FNDC1: variants seen among roughly 807,000 people sequenced by gnomAD.
FNDC1 encodes the protein fibronectin type III domain-containing protein 1.
FNDC1 carries 96 observed loss-of-function variants against 168.0 expected under a neutral mutation model. The observed-to-expected ratio is 0.57, with a 90% CI of 0.48 to 0.68. FNDC1 has a LOEUF of 0.68. Among genes scored for constraint, FNDC1 ranks in the 30% least tolerant of loss-of-function variants. FNDC1 has a pLI of 0.00. For missense variants in FNDC1, 2,587 were observed against 2,482.1 expected (o/e 1.04, Z -0.90); for synonymous variants, 1,099 against 1,025.9 (o/e 1.07, Z -1.36).
intron 1 of FNDC1, among the ~76,000 whole-genome samples, chr6:159,191,805 C>A (rs1782147292): frequency 6.6e-6 from 1 of 152,162 alleles, no homozygotes; most frequent in Admixed American, 6.5e-5. Flanking sequence ...TAAAATGGAG[C>A]ATATTCAAGG....
chr6:159,217,049 T>C (rs1451837524), intron 5 of FNDC1, among the ~76,000 whole-genome samples: 2 of 152,136 alleles, frequency 1.3e-5, no homozygotes, highest in Admixed American at 6.5e-5. Context: ...GGAAGGTGCG[T>C]GTGCTATGTG....
intron 1 of FNDC1, among the ~76,000 whole-genome samples, chr6:159,177,822 G>A (rs75845387): frequency 0.044 from 6,754 of 152,208 alleles, 176 homozygotes; most frequent in East Asian, 0.12. Flanking sequence ...GTGGAGTGTC[G>A]TGGGGTGCTT....
intron 14 of FNDC1, among the ~76,000 whole-genome samples, chr6:159,242,940 G>A (rs1415581664): frequency 3.9e-5 from 6 of 152,224 alleles, no homozygotes; most frequent in South Asian, 4.2e-4. Flanking sequence ...TGGTCATTTG[G>A]GTTATTTCCA....
At chr6:159,211,394 C>T (rs967393879) in intron 4 of FNDC1, among the ~76,000 whole-genome samples, 2 of 152,128 alleles carry the variant, frequency 1.3e-5, no homozygotes, top group African/African-American at 4.8e-5. Flanking sequence ...GTCATGCGTT[C>T]TTTTACACCA....
chr6:159,260,810 G>A (rs754913733), intron 18 of FNDC1, among the ~76,000 whole-genome samples: 33 of 152,146 alleles, frequency 2.2e-4, no homozygotes, highest in Admixed American at 5.2e-4. Flanking sequence ...GGACTGAAGC[G>A]GAGTCCAGAG....
intron 1 of FNDC1, among the ~76,000 whole-genome samples, chr6:159,170,951 G>A (rs1021039926): frequency 1.3e-5 from 2 of 152,118 alleles, no homozygotes; most frequent in African/African-American, 2.4e-5. Context: ...GTTTTTCTAA[G>A]TGAAAATTTT....
At chr6:159,235,778 C>T (rs1006901456) in intron 11 of FNDC1, among the ~76,000 whole-genome samples, 6 of 152,154 alleles carry the variant, frequency 3.9e-5, no homozygotes, top group Non-Finnish European at 5.9e-5. Context: ...GTGATTGGGA[C>T]CTGAGTCAGC....
intron 11 of FNDC1, 123 bp from the exon 12 acceptor site, chr6:159,236,092 A>C (rs1439295923): frequency 3.2e-6 from 2 of 626,886 alleles, no homozygotes; most frequent in Non-Finnish European, 5.6e-6. Context: ...CTATTGGTTT[A>C]AAATTCTGTT....
rs1350370503 is a variant in FNDC1 at position 159,223,536 on chromosome 6, G to A, written c.775G>A (p.Glu259Lys). 5 of 1,611,278 alleles carry A rather than the reference G, an allele frequency of 3.1e-6. No homozygotes were observed. The highest frequency in any genetic ancestry group is 4.2e-6 in the Non-Finnish European group (5 of 1,178,196). The change falls in exon 7 of 23, where the codon GAA becomes AAA. Residue 259 changes from glutamate to lysine, a missense_variant. Glu to Lys is a moderately conservative substitution (Grantham distance 56, BLOSUM62 1). Coordinates refer to ENST00000297267, the MANE Select transcript of FNDC1 (RefSeq NM_032532.3). The stretch of plus-strand genomic sequence containing the variant: ...TCTCGTTGTCATTTCAGAAGAGGAC[G>A]AATTGGATGTACCTGACGACATCAG... ...LTKRKISEED[E>K]LDVPDDISVR...
At chr6:159,193,294 C>T (rs374651821) in intron 1 of FNDC1, among the ~76,000 whole-genome samples, 3 of 152,250 alleles carry the variant, frequency 2.0e-5, no homozygotes, top group East Asian at 1.9e-4. Context: ...TTTTCGTCAC[C>T]GGAACCTAAA....
At position 159,239,651 on chromosome 6, in the gene FNDC1, G is replaced by T; in HGVS notation, c.4315G>T (p.Val1439Phe). The change falls in exon 14 of 23, where the codon GTC (valine) becomes TTC (phenylalanine). Residue 1439 changes from valine to phenylalanine, a missense_variant. Val to Phe is a conservative substitution (Grantham distance 50). Coordinates refer to ENST00000297267, the MANE Select transcript of FNDC1 (RefSeq NM_032532.3). The part of the protein sequence containing the change: ...LGGKPLVGLE[V>F]IKKTTHPPTT... ...AGGAAAGCCGCTGGTGGGCTTGGAG[G>T]TCATCAAAAAAACCACCCATCCCCC... 2 of 1,552,878 alleles carry T rather than the reference G, an allele frequency of 1.3e-6. No homozygotes were observed. The highest frequency in any genetic ancestry group is 1.7e-6 in the Non-Finnish European group (2 of 1,147,606).
chr6:159,221,658 C>T lies in FNDC1; in HGVS notation c.728C>T (p.Pro243Leu). Residue 243 changes from proline to leucine, a missense_variant, in exon 6 of 23, where the codon CCA (proline) becomes CTA (leucine). Transcript: ENST00000297267. The part of the protein sequence containing the change: ...QSMNSQGRSQ[P>L]VYRAALTKRK... ...ATGAACTCTCAGGGCCGGAGCCAAC[C>T]AGTCTACAGGGCTGCCCTAACAAAG... 1 of 1,614,030 alleles carries T rather than the reference C, an allele frequency of 6.2e-7. No individual in the cohort carries two copies. The highest frequency in any genetic ancestry group is 8.5e-7 in the Non-Finnish European group (1 of 1,179,878).
At chr6:159,222,414 C>T (rs1408870137) in intron 6 of FNDC1, among the ~76,000 whole-genome samples, 1 of 152,210 alleles carries the variant, frequency 6.6e-6, no homozygotes, top group Non-Finnish European at 1.5e-5. Context: ...CCCTATATCA[C>T]TTTTCTAGCA....
chr6:159,233,190 A>C lies in FNDC1; in HGVS notation c.2678A>C (p.His893Pro), dbSNP rs772340413. ...KPLPATVVND[H>P]VPSSSRQPIS... The stretch of plus-strand genomic sequence containing the variant: ...CTTCCTGCCACCGTTGTCAATGACC[A>C]CGTGCCTTCCTCCTCCAGGCAGCCC... The change falls in exon 11 of 23, where the codon CAC becomes CCC. Residue 893 changes from histidine (H) to proline (P), a missense_variant. Coordinates refer to ENST00000297267, the MANE Select transcript of FNDC1 (RefSeq NM_032532.3). This position sits in a 1 kb window ranked among gnomAD's most constrained non-coding sequence, Gnocchi z 4.6. The C allele has an allele frequency of 1.2e-6, 2 of 1,611,992 alleles. No individual in the cohort carries two copies. Among genetic ancestry groups the C allele is most frequent in the East Asian group, 4.5e-5 (2 of 44,812 alleles).
chr6:159,256,584 T>C lies in FNDC1; in HGVS notation c.5127T>C (p.Ala1709=), dbSNP rs779208034. ...DFIRNKWSTQ[A]SSVTHLPIEN... is the part of the protein sequence containing the mutation. Reference sequence around the variant, plus strand: ...TCAGGAACAAGTGGTCCACTCAAGCTTCATCAGTAACTCACTTGCCCATTG... The same window carrying C: ...TCAGGAACAAGTGGTCCACTCAAGCCTCATCAGTAACTCACTTGCCCATTG... Residue 1709 remains alanine (A), a synonymous_variant, in exon 18 of 23, where the codon GCT becomes GCC. Transcript: ENST00000297267. 7 of 1,613,970 alleles carry C rather than the reference T, an allele frequency of 4.3e-6. No individual in the cohort carries two copies. Among genetic ancestry groups the C allele is most frequent in the South Asian group, 1.1e-5 (1 of 91,072 alleles).
rs748943671 is a variant in FNDC1, at chr6:159,236,249, C to T, written c.4002C>T (p.Val1334=). 1.9e-6 allele frequency: 3 copies of T among 1,613,708 alleles called. No homozygotes were observed. Among genetic ancestry groups the T allele is most frequent in the Non-Finnish European group, 2.5e-6 (3 of 1,179,716 alleles). ...YNGRPNVEGK[V]LPGSNGKPNG... is the part of the protein sequence containing the mutation. ...GCAGACCAAATGTAGAAGGGAAAGT[C>T]CTTCCTGGTAGTAATGGAAAACCGA... The change falls in exon 12 of 23, where the codon GTC becomes GTT. Residue 1334 remains valine (V), a synonymous_variant. Coordinates refer to ENST00000297267, the MANE Select transcript of FNDC1 (RefSeq NM_032532.3).
At chr6:159,244,010 A>G (rs1010508897) in intron 14 of FNDC1, among the ~76,000 whole-genome samples, 4 of 152,212 alleles carry the variant, frequency 2.6e-5, no homozygotes, top group African/African-American at 4.8e-5. Flanking sequence ...ACCAGAGTCC[A>G]TGAAGGAAAT....
At chr6:159,250,613 C>T (rs749280799) in intron 16 of FNDC1, among the ~76,000 whole-genome samples, 4 of 152,166 alleles carry the variant, frequency 2.6e-5, no homozygotes, top group Middle Eastern at 3.2e-3. Flanking sequence ...GTACTCTCAG[C>T]GTTGGCAGGC....
At chr6:159,186,510 C>A (rs1365266557) in intron 1 of FNDC1, among the ~76,000 whole-genome samples, 1 of 152,182 alleles carries the variant, frequency 6.6e-6, no homozygotes, top group Non-Finnish European at 1.5e-5. Flanking sequence ...AGTGAGCTGC[C>A]CAGGTACCTT....
Sources: gnomAD v4.1 joint callset for allele counts (sites outside exome capture counted in the v4.1 genomes callset) on GRCh38, gnomAD v4.1.1 for gene constraint, Gnocchi (gnomAD v3.1) non-coding constraint, MANE v1.5 for transcripts, NCBI Gene and HGNC (gene_info 2026-07-23, HGNC 2026-07-21) for gene names.